The following CLIC5 variants were observed in gnomAD, a reference collection of about 807,000 sequenced individuals.
CLIC5 encodes the protein chloride intracellular channel protein 5.
A neutral mutation model predicts 24.7 loss-of-function variants in CLIC5; 20 were observed. The observed-to-expected ratio is 0.81, with a 90% CI of 0.57 to 1.18. The LOEUF (loss-of-function observed/expected upper bound fraction) is 1.18, where lower values mean the gene tolerates loss of function less well. Among genes scored for constraint, CLIC5 ranks in the 50% most tolerant of loss-of-function variants. The pLI, the probability that CLIC5 is intolerant of heterozygous loss-of-function variation, is 0.00. For synonymous variants in CLIC5, 159 were observed against 135.6 expected, an observed-to-expected ratio of 1.17 and a Z score of -1.20; for missense variants, 341 against 326.1, an observed-to-expected ratio of 1.05 and a Z score of -0.35.
At chr6:46,023,408 G>A (rs1045580224) in intron 1 of CLIC5, among the ~76,000 whole-genome samples, 1 of 152,198 alleles carries the variant, frequency 6.6e-6, no homozygotes, top group African/African-American at 2.4e-5. Context: ...ATAAACAACA[G>A]AGCTGGAACT....
At chr6:45,894,383 C>T (rs192625247), downstream of CLIC5, among the ~76,000 whole-genome samples, 1 of 152,020 alleles carries the variant, frequency 6.6e-6, no homozygotes, top group Non-Finnish European at 1.5e-5. Flanking sequence ...AAGAAGCTAG[C>T]TTATTGGTAC....
At chr6:46,064,025 G>A (rs923924713) in intron 1 of CLIC5, among the ~76,000 whole-genome samples, 51 of 152,048 alleles carry the variant, frequency 3.4e-4, no homozygotes, top group Non-Finnish European at 6.6e-4. Flanking sequence ...CTAAGAAAAT[G>A]CAACTCATAA....
Position 45,902,919 on chromosome 6 carries a change from G to A in CLIC5, c.*169C>T. 1.4e-6 allele frequency: 1 copy of A among 692,914 alleles called. No homozygotes were observed. Among genetic ancestry groups the A allele is most frequent in the Non-Finnish European group, 2.4e-6 (1 of 410,014 alleles). The allele number at this position is 692,914 out of a possible 1,614,324, so 42.9% of individuals were successfully genotyped here. A position where few individuals can be genotyped will look rare whatever the true frequency, so the allele number is the denominator to read the frequency against. Reference sequence around the variant, plus strand: ...CCTATGTGAGGAGGCCAGGGATGGTGCTGACCTTCATGAAAGATAGCAGGC... The same window carrying A: ...CCTATGTGAGGAGGCCAGGGATGGTACTGACCTTCATGAAAGATAGCAGGC... On this transcript the variant is annotated 3_prime_UTR_variant, in exon 6 of 6. Coordinates refer to ENST00000339561, the MANE Select transcript of CLIC5 (RefSeq NM_016929.5).
At chr6:45,958,761 C>G (rs554164742) in intron 1 of CLIC5, among the ~76,000 whole-genome samples, 1 of 151,792 alleles carries the variant, frequency 6.6e-6, no homozygotes, top group East Asian at 1.9e-4. Context: ...ATGAGCTTGG[C>G]TCCCTCAAAA....
chr6:46,067,119 A>T (rs1421900648), intron 1 of CLIC5, among the ~76,000 whole-genome samples: 1 of 152,100 alleles, frequency 6.6e-6, no homozygotes, highest in African/African-American at 2.4e-5. Context: ...TTTCGTTCCA[A>T]GGGATGGTCT....
intron 5 of CLIC5, among the ~76,000 whole-genome samples, chr6:45,907,370 G>A (rs1363341680): frequency 6.6e-6 from 1 of 152,144 alleles, no homozygotes; most frequent in Non-Finnish European, 1.5e-5. Flanking sequence ...ATCCTAAGAA[G>A]AAGCCTATTT....
At chr6:45,924,880 T>A (rs1205081264) in intron 4 of CLIC5, among the ~76,000 whole-genome samples, 1 of 152,074 alleles carries the variant, frequency 6.6e-6, no homozygotes, top group Non-Finnish European at 1.5e-5. Context: ...TAAAGAGATA[T>A]CGGTAGAAAT....
the CLIC5 span, among the ~76,000 whole-genome samples, chr6:46,113,299 G>A: frequency 6.6e-6 from 1 of 152,200 alleles, no homozygotes; most frequent in Non-Finnish European, 1.5e-5. Flanking sequence ...ACTGGCTGCT[G>A]AGTGAAGACT....
At chr6:46,032,447 T>C (rs892113891) in intron 1 of CLIC5, among the ~76,000 whole-genome samples, 1 of 152,182 alleles carries the variant, frequency 6.6e-6, no homozygotes, top group Non-Finnish European at 1.5e-5. Flanking sequence ...TTTTCAGCTT[T>C]TACTTTATGC....
intron 1 of CLIC5, among the ~76,000 whole-genome samples, chr6:46,012,327 A>G (rs1481887348): frequency 1.3e-5 from 2 of 152,236 alleles, no homozygotes; most frequent in Admixed American, 6.5e-5. Context: ...CAGGTACTGC[A>G]TCTCCAAATC....
chr6:46,093,422 T>C, the CLIC5 span, among the ~76,000 whole-genome samples: 13 of 152,354 alleles, frequency 8.5e-5, 1 homozygote, highest in South Asian at 2.5e-3. Context: ...TTTCTCGGCA[T>C]ATCCAGCTCC....
rs141036777 is a variant in CLIC5 at position 45,914,391 on chromosome 6, G to C, written c.425C>G (p.Thr142Ser). The C allele has an allele frequency of 6.4e-7, 1 of 1,572,866 alleles. No homozygotes were observed. Among genetic ancestry groups the C allele is most frequent in the South Asian group, 1.2e-5 (1 of 86,760 alleles). Reference sequence around the variant, plus strand: ...GTCATCCAATTTCTTTAGAGCCTTGGTTAGGCCTCTTTCAAGAGCTGGCAT... The same window carrying C: ...GTCATCCAATTTCTTTAGAGCCTTGCTTAGGCCTCTTTCAAGAGCTGGCAT... ...QNNAALERGLTKALKKLDDYL... is the reference protein window; with the variant it reads ...QNNAALERGLSKALKKLDDYL... Residue 142 changes from threonine to serine, a missense_variant, in exon 5 of 6, where the codon ACC (threonine) becomes AGC (serine). Transcript: ENST00000339561.
chr6:46,103,993 A>G, the CLIC5 span, among the ~76,000 whole-genome samples: 1 of 152,176 alleles, frequency 6.6e-6, no homozygotes, highest in Non-Finnish European at 1.5e-5. Context: ...TTTGATTAAT[A>G]GGAGAAAAGG....
At chr6:46,058,053 T>A (rs1177247585) in intron 1 of CLIC5, among the ~76,000 whole-genome samples, 1 of 150,958 alleles carries the variant, frequency 6.6e-6, no homozygotes, top group Non-Finnish European at 1.5e-5. Flanking sequence ...CCACACATTA[T>A]CACTTTGTAT....
intron 1 of CLIC5, among the ~76,000 whole-genome samples, chr6:45,962,834 G>A (rs1471714228): frequency 1.3e-5 from 2 of 152,200 alleles, no homozygotes; most frequent in African/African-American, 2.4e-5. Flanking sequence ...TGGGCCCAAG[G>A]CTGCCTACAA....
At chr6:45,959,720 G>A (rs1764785718) in intron 1 of CLIC5, among the ~76,000 whole-genome samples, 1 of 152,154 alleles carries the variant, frequency 6.6e-6, no homozygotes, top group Non-Finnish European at 1.5e-5. Flanking sequence ...GCTTAGTGAG[G>A]GAGGCAGCTG....
chr6:46,128,985 G>A, the CLIC5 span, among the ~76,000 whole-genome samples: 30 of 152,212 alleles, frequency 2.0e-4, no homozygotes, highest in Non-Finnish European at 3.2e-4. Flanking sequence ...GTCAGAATTT[G>A]TTATCTAAGG....
At chr6:46,071,476 T>C (rs1206916516) in intron 1 of CLIC5, among the ~76,000 whole-genome samples, 1 of 151,904 alleles carries the variant, frequency 6.6e-6, no homozygotes, top group East Asian at 1.9e-4. Flanking sequence ...CCAACAACCA[T>C]ATGAAAAAAA....
chr6:46,009,456 C>G (rs1194130041), intron 1 of CLIC5, among the ~76,000 whole-genome samples: 1 of 152,140 alleles, frequency 6.6e-6, no homozygotes, highest in South Asian at 2.1e-4. Context: ...TTTAAGACAC[C>G]CTGGGTAGAG....
Sources: allele counts gnomAD v4.1 joint callset (sites outside exome capture counted in the v4.1 genomes callset), GRCh38; gene constraint gnomAD v4.1.1; transcripts MANE v1.5; gene names NCBI Gene and HGNC (gene_info 2026-07-23, HGNC 2026-07-21).